NFE2L3: variants seen among roughly 807,000 people sequenced by gnomAD.
The protein encoded by NFE2L3 is NFE2 like bZIP transcription factor 3.
NFE2L3 carries 18 observed loss-of-function variants against 23.5 expected under a neutral mutation model. The ratio of observed to expected loss-of-function variants is 0.77; its 90% confidence interval spans 0.53 to 1.13. The LOEUF (loss-of-function observed/expected upper bound fraction) is 1.13, where lower values mean the gene tolerates loss of function less well. Among genes scored for constraint, NFE2L3 ranks in the 50% most tolerant of loss-of-function variants. The pLI is 0.00. For synonymous variants in NFE2L3, 424 were observed against 354.5 expected (o/e 1.20, Z -2.20); for missense variants, 1,152 against 877.2 (o/e 1.31, Z -3.96).
At chr7:26,183,925 ACCAAATATGTATAGCATTCCTCTTT>A in intron 3 of NFE2L3, 141 bp downstream of exon 3, 1 of 624,896 alleles carries the variant, frequency 1.6e-6, no homozygotes, top group Non-Finnish European at 2.9e-6. Context: ...CTTAGAATTA[ACCAAATATGTATAGCATTCCTCTTT>A]CCAAATAATC....
chr7:26,185,933 G>T lies in NFE2L3; in HGVS notation c.*150G>T. On this transcript the variant is annotated 3_prime_UTR_variant, in exon 4 of 4. Coordinates refer to ENST00000056233, the MANE Select transcript of NFE2L3 (RefSeq NM_004289.7). ...GTTAACGCTGTTTTGAAGCTTACAT[G>T]GACAAATGTTTAGGACTTCAAGATC... 1 of 684,724 alleles carries T rather than the reference G, an allele frequency of 1.5e-6. No individual in the cohort carries two copies. Among genetic ancestry groups the T allele is most frequent in the Non-Finnish European group, 2.3e-6 (1 of 429,386 alleles). 42.4% of individuals were successfully genotyped at this position (684,724 alleles called of 1,614,324 possible).
intron 1 of NFE2L3, among the ~76,000 whole-genome samples, chr7:26,164,330 CTT>C (rs1784215704): frequency 6.6e-6 from 1 of 152,194 alleles, no homozygotes; most frequent in African/African-American, 2.4e-5. Flanking sequence ...TGTTTCCTGA[CTT>C]TTTAATGATC....
chr7:26,184,462 G>A, intron 3 of NFE2L3, 71 bp from the exon 4 acceptor site: 2 of 1,388,518 alleles, frequency 1.4e-6, no homozygotes, highest in Non-Finnish European at 9.9e-7. Flanking sequence ...GGGAAAGAAA[G>A]TTGTTAGGTA....
chr7:26,171,037 T>A (rs978420145), intron 1 of NFE2L3, among the ~76,000 whole-genome samples: 2 of 152,230 alleles, frequency 1.3e-5, no homozygotes, highest in Non-Finnish European at 2.9e-5. Flanking sequence ...TCTATCAGAT[T>A]GGCACTTTTA....
At chr7:26,165,626 G>C (rs1784237130) in intron 1 of NFE2L3, among the ~76,000 whole-genome samples, 1 of 152,030 alleles carries the variant, frequency 6.6e-6, no homozygotes, top group Admixed American at 6.6e-5. Flanking sequence ...TTTCCTAATT[G>C]AATACCCTTT....
intron 1 of NFE2L3, among the ~76,000 whole-genome samples, chr7:26,169,306 AC>A (rs1784300340): frequency 6.6e-6 from 1 of 152,340 alleles, no homozygotes; most frequent in East Asian, 1.9e-4. Flanking sequence ...GGGATCAATA[AC>A]TGGAGACAGG....
At chr7:26,175,482 A>T (rs1217149629) in intron 1 of NFE2L3, among the ~76,000 whole-genome samples, 1 of 152,018 alleles carries the variant, frequency 6.6e-6, no homozygotes, top group Non-Finnish European at 1.5e-5. Context: ...TTAATAGTTT[A>T]TAATAATAGT....
chr7:26,154,021 A>C (rs907367731), intron 1 of NFE2L3, among the ~76,000 whole-genome samples: 5 of 152,220 alleles, frequency 3.3e-5, no homozygotes, highest in Admixed American at 2.0e-4. Flanking sequence ...TTCTTATGCA[A>C]AATGGGAATT....
intron 1 of NFE2L3, among the ~76,000 whole-genome samples, chr7:26,155,693 A>G (rs1177744277): frequency 2.0e-5 from 3 of 152,222 alleles, no homozygotes; most frequent in Non-Finnish European, 2.9e-5. Context: ...TGTGCCATTC[A>G]TAATGAAGAG....
chr7:26,185,137 A>G lies in NFE2L3; in HGVS notation c.1439A>G (p.Gln480Arg), dbSNP rs1443911822. The change falls in exon 4 of 4, where the codon CAA becomes CGA. Residue 480 changes from glutamine to arginine, a missense_variant. Coordinates refer to ENST00000056233, the MANE Select transcript of NFE2L3 (RefSeq NM_004289.7). The part of the protein sequence containing the change: ...PEPSKLCHLD[Q>R]SDSDFHGDLT... ...CCCAGTAAGCTTTGTCACTTGGATC[A>G]AAGTGATTCTGATTTCCATGGAGAT... 3 of 1,613,802 alleles carry G rather than the reference A, an allele frequency of 1.9e-6. No individual in the cohort carries two copies. The highest frequency in any genetic ancestry group is 2.5e-6 in the Non-Finnish European group (3 of 1,179,850).
In NFE2L3 at chr7:26,184,773, A is replaced by G. The variant is rs1782436498; in HGVS notation, c.1075A>G (p.Thr359Ala). 6.2e-7 allele frequency: 1 copy of G among 1,613,974 alleles called. No individual in the cohort carries two copies. The highest frequency in any genetic ancestry group is 8.5e-7 in the Non-Finnish European group (1 of 1,179,856). The change falls in exon 4 of 4, where the codon ACT (threonine) becomes GCT (alanine). Residue 359 changes from threonine (T) to alanine (A), a missense_variant. Coordinates refer to ENST00000056233, the MANE Select transcript of NFE2L3 (RefSeq NM_004289.7). Reference sequence around the variant, plus strand: ...CAATCCTGAGCAAACCCTTCCTGGAACTAATTTGACAGGATTTCTTTCACC... The same window carrying G: ...CAATCCTGAGCAAACCCTTCCTGGAGCTAATTTGACAGGATTTCTTTCACC... ...TTNPEQTLPGTNLTGFLSPVD... is the reference protein window; with the variant it reads ...TTNPEQTLPGANLTGFLSPVD...
intron 1 of NFE2L3, among the ~76,000 whole-genome samples, chr7:26,156,231 G>A (rs1279443734): frequency 6.6e-6 from 1 of 152,192 alleles, no homozygotes; most frequent in Non-Finnish European, 1.5e-5. Flanking sequence ...TTCATTCCAT[G>A]TAAAGGGCTT....
chr7:26,178,348 T>A (rs1444203393), intron 2 of NFE2L3, among the ~76,000 whole-genome samples: 1 of 152,234 alleles, frequency 6.6e-6, no homozygotes, highest in Non-Finnish European at 1.5e-5. Context: ...ATTTTGTGTG[T>A]ATGTGCACAC....
In NFE2L3 at chr7:26,152,864, C is replaced by G; in HGVS notation, c.366C>G (p.Asp122Glu). The G allele has an allele frequency of 1.4e-6, 2 of 1,471,204 alleles. No individual in the cohort carries two copies. Among genetic ancestry groups the G allele is most frequent in the East Asian group, 5.9e-5 (2 of 33,744 alleles). 91.1% of individuals were successfully genotyped at this position (1,471,204 alleles called of 1,614,324 possible). A position where few individuals can be genotyped will look rare whatever the true frequency, so the allele number is the denominator to read the frequency against. Residue 122 changes from aspartate to glutamate, a missense_variant, in exon 1 of 4, where the codon GAC becomes GAG. Asp to Glu is a conservative substitution (Grantham distance 45, BLOSUM62 2). Transcript: ENST00000056233. This position sits in a 1 kb window ranked among gnomAD's most constrained non-coding sequence, Gnocchi z 4.4. Reference protein sequence around the residue: ...LVHSVAAGSADEAHGLLGAAA... With the variant: ...LVHSVAAGSAEEAHGLLGAAA... Reference sequence around the variant, plus strand: ...ACAGCGTGGCTGCCGGGAGCGCGGACGAGGCCCACGGGCTGCTCGGCGCCG... The same window carrying G: ...ACAGCGTGGCTGCCGGGAGCGCGGAGGAGGCCCACGGGCTGCTCGGCGCCG...
intron 2 of NFE2L3, among the ~76,000 whole-genome samples, chr7:26,182,737 G>C (rs759071884): frequency 6.6e-6 from 1 of 151,816 alleles, no homozygotes; most frequent in Non-Finnish European, 1.5e-5. Flanking sequence ...CCAGGAGTGA[G>C]ATGAAGCATC....
At chr7:26,177,554 G>A (rs1784436110) in intron 1 of NFE2L3, among the ~76,000 whole-genome samples, 2 of 152,358 alleles carry the variant, frequency 1.3e-5, no homozygotes, top group Admixed American at 6.5e-5. Context: ...CCAAGATCAC[G>A]GCAGTAGAGT....
chr7:26,164,926 A>G (rs1311542812), intron 1 of NFE2L3, among the ~76,000 whole-genome samples: 1 of 152,114 alleles, frequency 6.6e-6, no homozygotes, highest in Non-Finnish European at 1.5e-5. Flanking sequence ...TCCTTTCCCC[A>G]TTTCTTGTTT....
intron 2 of NFE2L3, among the ~76,000 whole-genome samples, chr7:26,182,289 A>AT (rs1196637493): frequency 2.0e-5 from 3 of 152,022 alleles, no homozygotes; most frequent in African/African-American, 7.2e-5. Context: ...TAAACCTTAT[A>AT]TTTTTACCAG....
chr7:26,183,709 G>A lies in NFE2L3; in HGVS notation c.759G>A (p.Leu253=). The A allele has an allele frequency of 6.2e-7, 1 of 1,609,722 alleles. No homozygotes were observed. The highest frequency in any genetic ancestry group is 8.5e-7 in the Non-Finnish European group (1 of 1,175,994). The change falls in exon 3 of 4, where the codon CTG becomes CTA. Residue 253 remains leucine (L), a synonymous_variant. Coordinates refer to ENST00000056233, the MANE Select transcript of NFE2L3 (RefSeq NM_004289.7). ...TTTGTGTTTCTCTACAGAGACATCT[G>A]AATGGGACAGATACTTCTTTCTCTC... ...KTTESRNERH[L]NGTDTSFSLE...
Sources: gnomAD v4.1 joint callset for allele counts (sites outside exome capture counted in the v4.1 genomes callset) on GRCh38, gnomAD v4.1.1 for gene constraint, Gnocchi (gnomAD v3.1) non-coding constraint, MANE v1.5 for transcripts, NCBI Gene and HGNC (gene_info 2026-07-23, HGNC 2026-07-21) for gene names.